ADGRL3: variants seen among roughly 807,000 people sequenced by gnomAD.
ADGRL3 encodes calcium-independent alpha-latrotoxin receptor 3.
In ADGRL3, 62 loss-of-function variants were observed where a neutral mutation model predicts 153.5. The ratio of observed to expected loss-of-function variants is 0.40; its 90% CI spans 0.33 to 0.50. The LOEUF (loss-of-function observed/expected upper bound fraction) is 0.50. Among genes scored for constraint, ADGRL3 ranks in the 20% least tolerant of loss-of-function variants. ADGRL3 has a pLI of 0.47. For synonymous variants in ADGRL3, 710 were observed against 672.5 expected (o/e 1.06, Z -0.86); for missense variants, 1,641 against 1,859.4 (o/e 0.88, Z 2.16).
intron 8 of ADGRL3, among the ~76,000 whole-genome samples, chr4:61,795,029 G>C (rs2097392463): frequency 6.6e-6 from 1 of 152,076 alleles, no homozygotes; most frequent in South Asian, 2.1e-4. Flanking sequence ...TTTTATGTCA[G>C]GCTACTGAGA....
chr4:61,464,346 A>G (rs1324281999), intron 2 of ADGRL3, among the ~76,000 whole-genome samples: 3 of 152,218 alleles, frequency 2.0e-5, no homozygotes, highest in Non-Finnish European at 4.4e-5. Flanking sequence ...CAAAAGGGTG[A>G]AACTCAAGAG....
In ADGRL3 at chr4:61,419,370, CTATT is replaced by C. The variant is rs1339365494; in HGVS notation, c.-174+36186_-174+36189del. Among the ~76,000 whole-genome samples the C allele has an allele frequency of 1.1e-4, 17 of 150,800 alleles. 2 individuals carry two copies. The highest frequency in any genetic ancestry group is 3.9e-4 in the African/African-American group (16 of 40,742). Reference sequence around the variant, plus strand: ...AGAATAATGAAAACAAGTGAGATAACTATTTATTCACTTATTCCAGTTCAGGGTC... The same window carrying C: ...AGAATAATGAAAACAAGTGAGATAACTATTCACTTATTCCAGTTCAGGGTC... On this transcript the variant is annotated intron_variant, in intron 2 of 26. Transcript: ENST00000683033.
chr4:61,429,318 C>T (rs1279220597), intron 2 of ADGRL3, among the ~76,000 whole-genome samples: 1 of 152,078 alleles, frequency 6.6e-6, no homozygotes, highest in Admixed American at 6.5e-5. Flanking sequence ...TTCATTGCAC[C>T]ATGTTGCCTA....
chr4:61,890,257 A>G (rs1430716185), intron 9 of ADGRL3, among the ~76,000 whole-genome samples: 2 of 152,234 alleles, frequency 1.3e-5, no homozygotes, highest in African/African-American at 2.4e-5. Context: ...CTTCAGAAGT[A>G]CAAATGAGAG....
At chr4:61,659,895 T>C (rs558526396) in intron 5 of ADGRL3, among the ~76,000 whole-genome samples, 1 of 11,432 alleles carries the variant, frequency 8.7e-5, no homozygotes, top group South Asian at 4.5e-3. Context: ...AAGTGAAGAT[T>C]ACAAAAAAAA....
At chr4:61,828,969 A>G (rs894095553) in intron 9 of ADGRL3, among the ~76,000 whole-genome samples, 1 of 152,188 alleles carries the variant, frequency 6.6e-6, no homozygotes, top group Non-Finnish European at 1.5e-5. Context: ...TCTCGTGGTC[A>G]TGCTCTTAAC....
At chr4:61,274,799 T>G (rs1158886817) in intron 1 of ADGRL3, among the ~76,000 whole-genome samples, 2 of 151,932 alleles carry the variant, frequency 1.3e-5, no homozygotes, top group African/African-American at 4.8e-5. Flanking sequence ...CTTGGTGTGG[T>G]GGTGCACGCT....
At chr4:61,306,739 A>T (rs2094803586) in intron 1 of ADGRL3, among the ~76,000 whole-genome samples, 1 of 152,180 alleles carries the variant, frequency 6.6e-6, no homozygotes, top group Non-Finnish European at 1.5e-5. Context: ...TGACAATTTT[A>T]TACAACTATG....
chr4:61,722,380 A>G (rs914316887), intron 6 of ADGRL3, among the ~76,000 whole-genome samples: 2 of 152,156 alleles, frequency 1.3e-5, no homozygotes, highest in African/African-American at 2.4e-5. Context: ...AAACCCAACA[A>G]GACATTCCAT....
At chr4:61,527,382 T>G (rs904850419) in intron 4 of ADGRL3, among the ~76,000 whole-genome samples, 3 of 152,174 alleles carry the variant, frequency 2.0e-5, no homozygotes, top group African/African-American at 7.2e-5. Context: ...TCTCAAATTC[T>G]TTGTCATCCT....
At chr4:61,896,532 A>T (rs1219091317) in intron 11 of ADGRL3, among the ~76,000 whole-genome samples, 1 of 152,152 alleles carries the variant, frequency 6.6e-6, no homozygotes, top group Non-Finnish European at 1.5e-5. Flanking sequence ...AAATATTACA[A>T]ATGATGGCCT....
chr4:61,525,847 A>T (rs2098555654), intron 4 of ADGRL3, among the ~76,000 whole-genome samples: 5 of 152,108 alleles, frequency 3.3e-5, no homozygotes, highest in Admixed American at 3.3e-4. Flanking sequence ...ATAATGGTGA[A>T]GTTGGTCTTA....
rs1038393160 is a variant in ADGRL3, at chr4:61,543,235, T to C, written c.259+25717T>C. ...TACATGGCATAAAGGACTTTGCAGA[T>C]GTGATTAAATTAAGGACATTGAGGT... On this transcript the variant is annotated intron_variant, in intron 4 of 26. Coordinates refer to ENST00000683033, the MANE Select transcript of ADGRL3 (RefSeq NM_001387552.1). Among the ~76,000 whole-genome samples the C allele has an allele frequency of 9.4e-5, 14 of 148,330 alleles. 1 individual carries two copies. The highest frequency in any genetic ancestry group is 9.0e-4 in the Admixed American group (13 of 14,426).
chr4:61,993,698 T>A (rs1017416307), intron 19 of ADGRL3, among the ~76,000 whole-genome samples: 7 of 152,206 alleles, frequency 4.6e-5, no homozygotes, highest in Middle Eastern at 3.4e-3. Flanking sequence ...TCTCTCTCTC[T>A]CTCTCTCCCT....
At chr4:62,060,030 T>C (rs1196014238) in intron 25 of ADGRL3, among the ~76,000 whole-genome samples, 1 of 152,066 alleles carries the variant, frequency 6.6e-6, no homozygotes, top group Non-Finnish European at 1.5e-5. Context: ...ATGAAACTCC[T>C]CTTTTTTTGA....
chr4:61,916,185 T>C (rs2098744325), intron 13 of ADGRL3, among the ~76,000 whole-genome samples: 1 of 152,172 alleles, frequency 6.6e-6, no homozygotes, highest in Non-Finnish European at 1.5e-5. Context: ...TTTTAAATAA[T>C]ATGTGAATCT....
At chr4:61,848,525 C>T (rs1169684989) in intron 9 of ADGRL3, among the ~76,000 whole-genome samples, 1 of 152,010 alleles carries the variant, frequency 6.6e-6, no homozygotes, top group East Asian at 1.9e-4. Context: ...TCCAGTATGA[C>T]CTCATCTTAA....
intron 2 of ADGRL3, among the ~76,000 whole-genome samples, chr4:61,387,804 C>T (rs11730576): frequency 0.2 from 30,509 of 152,002 alleles, 3,688 homozygotes; most frequent in Non-Finnish European, 0.27. Context: ...AATATACATC[C>T]TCCTCAGCTG....
intron 5 of ADGRL3, among the ~76,000 whole-genome samples, chr4:61,666,596 T>C (rs2094805535): frequency 6.6e-6 from 1 of 150,422 alleles, no homozygotes; most frequent in Non-Finnish European, 1.5e-5. Flanking sequence ...GTAAAATGGA[T>C]TCAGATAGTA....
Sources: gnomAD v4.1 joint callset for allele counts (sites outside exome capture counted in the v4.1 genomes callset) on GRCh38, gnomAD v4.1.1 for gene constraint, MANE v1.5 for transcripts, NCBI Gene and HGNC (gene_info 2026-07-23, HGNC 2026-07-21) for gene names.